The following ROBO2 variants were observed in gnomAD, a reference collection of about 807,000 sequenced individuals.
The protein encoded by ROBO2 is roundabout guidance receptor 2, also known as roundabout homolog 2.
A neutral mutation model predicts 160.8 loss-of-function variants in ROBO2; 53 were observed. The ratio of observed to expected loss-of-function variants is 0.33; its 90% CI spans 0.26 to 0.41. ROBO2 has a LOEUF of 0.41. Among genes scored for constraint, ROBO2 ranks in the 10% least tolerant of loss-of-function variants. The pLI, the probability that ROBO2 is intolerant of heterozygous loss-of-function variation, is 1.00. For missense variants in ROBO2, 1,577 were observed against 1,722.4 expected (o/e 0.92, Z 1.49); for synonymous variants, 664 against 611.7 (o/e 1.09, Z -1.26).
intron 2 of ROBO2, among the ~76,000 whole-genome samples, chr3:75,983,939 C>A (rs2065344767): frequency 6.6e-6 from 1 of 151,460 alleles, no homozygotes; most frequent in Non-Finnish European, 1.5e-5. Context: ...CACAATCACT[C>A]TGCCCGATCC....
rs115781944 is a variant in ROBO2 at position 77,329,420 on chromosome 3, C to G, written c.389-147994C>G. On this transcript the variant is annotated intron_variant, in intron 2 of 25. Transcript: ENST00000461745. The stretch of plus-strand genomic sequence containing the variant: ...CAAAACATAACAAATGCTGTTTGTT[C>G]TAGTGTTTAGGCTAATGACATAACG... 1.6e-3 allele frequency among the ~76,000 whole-genome samples: 246 copies of G among 152,318 alleles called. 1 individual carries two copies. Among genetic ancestry groups the G allele is most frequent in the African/African-American group, 5.8e-3 (242 of 41,578 alleles).
intron 2 of ROBO2, among the ~76,000 whole-genome samples, chr3:76,189,298 G>GA (rs751057712): frequency 1.5e-3 from 229 of 151,760 alleles, no homozygotes; most frequent in Non-Finnish European, 2.8e-3. Flanking sequence ...AACACAATGG[G>GA]AAAAAAAGGT....
intron 2 of ROBO2, among the ~76,000 whole-genome samples, chr3:77,370,423 G>A (rs553647581): frequency 6.6e-6 from 1 of 152,198 alleles, no homozygotes; most frequent in Admixed American, 6.5e-5. Flanking sequence ...CTCCGATTTT[G>A]ACTTGGTGTT....
intron 2 of ROBO2, among the ~76,000 whole-genome samples, chr3:76,822,546 A>G (rs949065994): frequency 3.9e-5 from 6 of 152,116 alleles, no homozygotes; most frequent in African/African-American, 1.4e-4. Context: ...ACAATGTTCT[A>G]TGTACTTTAC....
chr3:77,282,039 T>C (rs907843201), intron 2 of ROBO2, among the ~76,000 whole-genome samples: 2 of 152,170 alleles, frequency 1.3e-5, no homozygotes, highest in Admixed American at 1.3e-4. Context: ...TGGATTACTT[T>C]TAATATTTAC....
At chr3:76,855,198 T>C (rs2069914485) in intron 2 of ROBO2, among the ~76,000 whole-genome samples, 1 of 152,204 alleles carries the variant, frequency 6.6e-6, no homozygotes. Flanking sequence ...CTGATTGAAG[T>C]AGTTTGTTAT....
At chr3:76,363,474 T>C (rs1219937128) in intron 2 of ROBO2, among the ~76,000 whole-genome samples, 1 of 150,364 alleles carries the variant, frequency 6.7e-6, no homozygotes, top group Non-Finnish European at 1.5e-5. Flanking sequence ...CTTCATAAAG[T>C]TTTTAAGCAT....
intron 2 of ROBO2, among the ~76,000 whole-genome samples, chr3:76,906,228 T>C (rs1283362363): frequency 6.6e-6 from 1 of 152,014 alleles, no homozygotes; most frequent in Non-Finnish European, 1.5e-5. Context: ...TTTAATAATA[T>C]ATTTGCACAA....
intron 2 of ROBO2, among the ~76,000 whole-genome samples, chr3:77,464,481 T>C (rs1428873062): frequency 6.6e-6 from 1 of 152,124 alleles, no homozygotes; most frequent in Non-Finnish European, 1.5e-5. Context: ...TTGAATATTA[T>C]GATTGAAGTG....
chr3:76,336,130 T>C (rs1012226384), intron 2 of ROBO2, among the ~76,000 whole-genome samples: 9 of 152,214 alleles, frequency 5.9e-5, no homozygotes, highest in African/African-American at 1.7e-4. Flanking sequence ...ATAGGCTCTT[T>C]CTGTGTTATT....
At chr3:77,492,600 A>G (rs768539818) in intron 4 of ROBO2, among the ~76,000 whole-genome samples, 7 of 152,144 alleles carry the variant, frequency 4.6e-5, no homozygotes, top group Admixed American at 1.3e-4. Context: ...CCATTGGAGA[A>G]AACCTCAAAA....
chr3:77,545,928 C>T (rs1271860044), intron 6 of ROBO2, among the ~76,000 whole-genome samples: 1 of 151,900 alleles, frequency 6.6e-6, no homozygotes, highest in Admixed American at 6.6e-5. Flanking sequence ...ACAAAAACTG[C>T]CAATGCTTAT....
At chr3:77,040,512 G>C (rs2063982791) in exon 1 of ROBO2, 1 of 1,341,678 alleles carries the variant, frequency 7.5e-7, no homozygotes, top group African/African-American at 1.5e-5. Flanking sequence ...AATCCCTCTG[G>C]CTGGGCTGAA....
intron 4 of ROBO2, among the ~76,000 whole-genome samples, chr3:77,491,240 T>C (rs1399001349): frequency 2.6e-5 from 4 of 152,198 alleles, no homozygotes; most frequent in African/African-American, 9.7e-5. Flanking sequence ...GAAAGACTTC[T>C]CTAGCTTGTT....
chr3:77,230,559 G>A (rs905964110), intron 2 of ROBO2, among the ~76,000 whole-genome samples: 1 of 152,154 alleles, frequency 6.6e-6, no homozygotes, highest in African/African-American at 2.4e-5. Context: ...ATATGTATTC[G>A]CACCAAATGG....
intron 2 of ROBO2, among the ~76,000 whole-genome samples, chr3:76,058,999 A>G (rs200092979): frequency 0.02 from 3,026 of 150,784 alleles, 37 homozygotes; most frequent in East Asian, 0.079. Context: ...TTATGGCTGC[A>G]TAGTATTCCA....
At chr3:77,487,934 T>G (rs2085576441) in intron 4 of ROBO2, among the ~76,000 whole-genome samples, 1 of 152,178 alleles carries the variant, frequency 6.6e-6, no homozygotes, top group Admixed American at 6.5e-5. Flanking sequence ...TGAATACAGT[T>G]AAAAAGAGAA....
chr3:76,608,184 C>T (rs560755199), intron 2 of ROBO2, among the ~76,000 whole-genome samples: 6 of 152,316 alleles, frequency 3.9e-5, no homozygotes, highest in African/African-American at 1.4e-4. Flanking sequence ...TACTTTGCCA[C>T]ACAGATGTTA....
At chr3:76,428,013 A>G (rs1559929316) in intron 2 of ROBO2, among the ~76,000 whole-genome samples, 1 of 152,200 alleles carries the variant, frequency 6.6e-6, no homozygotes, top group South Asian at 2.1e-4. Flanking sequence ...AGCAATATAT[A>G]TATTAAATTT....
Sources: allele counts gnomAD v4.1 joint callset (sites outside exome capture counted in the v4.1 genomes callset), GRCh38; gene constraint gnomAD v4.1.1; transcripts MANE v1.5; gene names NCBI Gene and HGNC (gene_info 2026-07-23, HGNC 2026-07-21).